The following CRTAC1 variants were observed in gnomAD, a reference collection of about 807,000 sequenced individuals.
The protein encoded by CRTAC1 is acidic secreted protein in cartilage.
CRTAC1 carries 37 observed loss-of-function variants against 67.8 expected under a neutral mutation model. The ratio of observed to expected loss-of-function variants is 0.55; its 90% CI spans 0.42 to 0.72. The LOEUF (loss-of-function observed/expected upper bound fraction) is 0.72. Among genes scored for constraint, CRTAC1 ranks in the 30% least tolerant of loss-of-function variants. CRTAC1 has a pLI of 0.00. For missense variants in CRTAC1, 780 were observed against 931.6 expected, an observed-to-expected ratio of 0.84 and a Z score of 2.12; for synonymous variants, 348 against 371.0, an observed-to-expected ratio of 0.94 and a Z score of 0.71.
intron 1 of CRTAC1, among the ~76,000 whole-genome samples, chr10:98,013,839 G>A (rs1013707149): frequency 1.3e-5 from 2 of 152,212 alleles, no homozygotes; most frequent in Non-Finnish European, 1.5e-5. Context: ...GCCTCACAAG[G>A]GCCAAGGCCA....
At chr10:97,995,206 T>C (rs1842537733) in intron 2 of CRTAC1, among the ~76,000 whole-genome samples, 1 of 152,206 alleles carries the variant, frequency 6.6e-6, no homozygotes, top group Non-Finnish European at 1.5e-5. Flanking sequence ...TCCATGCTCT[T>C]CTAGAGAGGA....
chr10:97,904,324 G>A (rs1448873360), intron 7 of CRTAC1, among the ~76,000 whole-genome samples: 1 of 152,186 alleles, frequency 6.6e-6, no homozygotes, highest in Non-Finnish European at 1.5e-5. Flanking sequence ...TCAGCCTGGT[G>A]GGAGGAGCGA....
Position 97,917,154 on chromosome 10 carries a change from A to T in CRTAC1, c.715+346T>A, listed in dbSNP as rs77202733. 1.3e-3 allele frequency among the ~76,000 whole-genome samples: 202 copies of T among 152,330 alleles called. 1 individual carries two copies. The highest frequency in any genetic ancestry group is 4.7e-3 in the African/African-American group (195 of 41,572). On this transcript the variant is annotated intron_variant, in intron 5 of 14. Transcript: ENST00000370597. ...TTTTGTGATTTGTCAGTTTTCTCCT[A>T]CAGAACCTGCTCACCCATCATTGAG...
At chr10:98,016,808 G>T (rs576256905) in intron 1 of CRTAC1, among the ~76,000 whole-genome samples, 161 of 152,100 alleles carry the variant, frequency 1.1e-3, no homozygotes, top group Non-Finnish European at 1.3e-3. Flanking sequence ...AAATGTTTCT[G>T]CTACCCAAAT....
intron 14 of CRTAC1, among the ~76,000 whole-genome samples, chr10:97,872,590 A>G (rs957861808): frequency 6.6e-6 from 1 of 152,192 alleles, no homozygotes; most frequent in Non-Finnish European, 1.5e-5. Flanking sequence ...CAGGCCCTAG[A>G]GAGTGAATTA....
chr10:97,896,164 G>T (rs2050456245), intron 9 of CRTAC1, among the ~76,000 whole-genome samples, 179 bp from the exon 10 acceptor site: 1 of 152,176 alleles, frequency 6.6e-6, no homozygotes. Context: ...GCAGCCTCAT[G>T]ATAGGACTCA....
chr10:97,908,714 C>T (rs924901175), intron 5 of CRTAC1, among the ~76,000 whole-genome samples: 6 of 152,208 alleles, frequency 3.9e-5, no homozygotes, highest in African/African-American at 1.2e-4. Context: ...ATATGACAAA[C>T]CATTCTGCAG....
intron 1 of CRTAC1, among the ~76,000 whole-genome samples, chr10:98,021,428 C>T (rs942195096): frequency 3.3e-5 from 5 of 152,150 alleles, no homozygotes; most frequent in African/African-American, 7.2e-5. Context: ...GCCACAGAGG[C>T]CAGTGGGCTA....
chr10:97,888,388 A>C (rs1203979127), intron 11 of CRTAC1, among the ~76,000 whole-genome samples: 1 of 152,186 alleles, frequency 6.6e-6, no homozygotes, highest in Non-Finnish European at 1.5e-5. Context: ...AGTGTGGGCC[A>C]AGGTACAGCA....
chr10:97,998,112 A>G (rs540006531), intron 2 of CRTAC1, among the ~76,000 whole-genome samples: 1 of 152,314 alleles, frequency 6.6e-6, no homozygotes, highest in East Asian at 1.9e-4. Context: ...CTGGGACTAC[A>G]GGTGCACACC....
chr10:97,898,953 CTGTT>C (rs1317642081), intron 8 of CRTAC1, among the ~76,000 whole-genome samples: 5 of 152,072 alleles, frequency 3.3e-5, no homozygotes, highest in African/African-American at 9.7e-5. Flanking sequence ...CATTAAGTGA[CTGTT>C]TGGGTGCTGA....
chr10:98,027,964 C>CTGTAATTAATTACACAATTA (rs1400182445), intron 1 of CRTAC1, among the ~76,000 whole-genome samples: 4 of 151,276 alleles, frequency 2.6e-5, no homozygotes, highest in Non-Finnish European at 5.9e-5. Context: ...TCAGTTTTCT[C>CTGTAATTAATTACACAATTA]ATCTGTAAAT....
At chr10:98,024,715 A>C (rs1424045266) in intron 1 of CRTAC1, among the ~76,000 whole-genome samples, 1 of 130,068 alleles carries the variant, frequency 7.7e-6, no homozygotes, top group Non-Finnish European at 1.6e-5. Context: ...AAATCTTTGG[A>C]CCTTTCTCTA....
intron 2 of CRTAC1, among the ~76,000 whole-genome samples, chr10:98,008,759 A>G (rs1015061146): frequency 7.9e-5 from 12 of 152,118 alleles, no homozygotes; most frequent in African/African-American, 2.7e-4. Flanking sequence ...CCATCTTCCA[A>G]GATGAAAGGA....
intron 6 of CRTAC1, among the ~76,000 whole-genome samples, 184 bp from the exon 7 acceptor site, chr10:97,904,998 A>G (rs2050591702): frequency 6.6e-6 from 1 of 151,966 alleles, no homozygotes; most frequent in Non-Finnish European, 1.5e-5. Flanking sequence ...TGGGACAGTC[A>G]TGTGCTTGAA....
intron 2 of CRTAC1, among the ~76,000 whole-genome samples, chr10:97,991,421 A>AATAAATAT (rs1554932229): frequency 2.2e-5 from 1 of 44,780 alleles, no homozygotes; most frequent in Non-Finnish European, 4.5e-5. Context: ...TTTTAAAAAT[A>AATAAATAT]ATAAATAAAT....
intron 14 of CRTAC1, among the ~76,000 whole-genome samples, chr10:97,875,634 C>T (rs148996257): frequency 9.9e-5 from 15 of 152,234 alleles, no homozygotes; most frequent in Middle Eastern, 3.4e-3. Context: ...GGGAGGGGCT[C>T]GGTTTGCCTT....
At chr10:98,014,964 G>A (rs1175764283) in intron 1 of CRTAC1, among the ~76,000 whole-genome samples, 2 of 152,168 alleles carry the variant, frequency 1.3e-5, no homozygotes, top group African/African-American at 4.8e-5. Flanking sequence ...CAAAAGAATT[G>A]AGAAAAGAGA....
rs972216843 is a variant in CRTAC1, at chr10:98,001,485, C to T, written c.224+9653G>A. Among the ~76,000 whole-genome samples the T allele has an allele frequency of 9.9e-5, 15 of 152,022 alleles. No individual in the cohort carries two copies. The South Asian group carries it at 1.7e-3, about 17-fold the overall frequency. The stretch of plus-strand genomic sequence containing the variant: ...TTACGTGTCTCTAGGCAAGGAAGAA[C>T]TCTGCCAGTTAAATGCAGGCTGCCA... On this transcript the variant is annotated intron_variant, in intron 2 of 14. Transcript: ENST00000370597.
Sources: allele counts gnomAD v4.1 joint callset (sites outside exome capture counted in the v4.1 genomes callset), GRCh38; gene constraint gnomAD v4.1.1; transcripts MANE v1.5; gene names NCBI Gene and HGNC (gene_info 2026-07-23, HGNC 2026-07-21).